Variants in NIPBL observed in about 807,000 individuals in gnomAD.
The protein encoded by NIPBL is nipped-B-like protein.
In NIPBL, 19 loss-of-function variants were observed where a neutral mutation model predicts 321.8. The observed-to-expected ratio is 0.06, with a 90% CI of 0.04 to 0.09. The LOEUF is 0.09. Ranked by LOEUF, NIPBL falls within the 10% of genes least tolerant of loss-of-function variation. The pLI is 1.00. For missense variants in NIPBL, 2,210 were observed against 3,327.0 expected (o/e 0.66, Z 8.26); for synonymous variants, 1,106 against 1,114.1 (o/e 0.99, Z 0.14).
In NIPBL at chr5:36,995,604, T is replaced by A. The variant is rs764886681; in HGVS notation, c.3122-18T>A. On this transcript the variant is annotated intron_variant, in intron 10 of 46. Transcript: ENST00000282516. ...TTCAGATTTACATTTTTTTTTTAAA[T>A]TTACCTTTCATTAATAGGTAGTATA... is the stretch of plus-strand genomic sequence containing the variant. The A allele has an allele frequency of 6.4e-7, 1 of 1,573,136 alleles. No homozygotes were observed.
At chr5:36,887,221 ACT>A (rs1423330474) in intron 1 of NIPBL, among the ~76,000 whole-genome samples, 1 of 152,112 alleles carries the variant, frequency 6.6e-6, no homozygotes, top group African/African-American at 2.4e-5. Context: ...AAATAGACCT[ACT>A]CTCTTTTTCA....
At chr5:36,929,880 T>C (rs1749651501) in intron 1 of NIPBL, among the ~76,000 whole-genome samples, 2 of 152,060 alleles carry the variant, frequency 1.3e-5, no homozygotes, top group South Asian at 4.1e-4. Flanking sequence ...TTGTGAAAAA[T>C]CTAACATAAA....
chr5:36,889,695 C>T (rs1232300981), intron 1 of NIPBL, among the ~76,000 whole-genome samples: 1 of 152,078 alleles, frequency 6.6e-6, no homozygotes, highest in Non-Finnish European at 1.5e-5. Flanking sequence ...TCTTATGATT[C>T]TGATATTTTA....
At chr5:36,934,821 G>A (rs1245713280) in intron 1 of NIPBL, among the ~76,000 whole-genome samples, 2 of 151,666 alleles carry the variant, frequency 1.3e-5, no homozygotes, top group African/African-American at 4.9e-5. Flanking sequence ...AGTAGCTAGA[G>A]TTAAGAAATT....
At chr5:37,030,855 A>G (rs1750920704) in intron 32 of NIPBL, among the ~76,000 whole-genome samples, 1 of 150,802 alleles carries the variant, frequency 6.6e-6, no homozygotes, top group South Asian at 2.1e-4. Flanking sequence ...CCCTGGCTCA[A>G]GCAGTCCTCT....
At chr5:36,944,693 T>G (rs1739466931) in intron 1 of NIPBL, among the ~76,000 whole-genome samples, 1 of 152,118 alleles carries the variant, frequency 6.6e-6, no homozygotes. Context: ...CTAATATTGT[T>G]GAATAATCAA....
intron 2 of NIPBL, among the ~76,000 whole-genome samples, chr5:36,954,643 A>T (rs566334075): frequency 4.6e-5 from 7 of 152,276 alleles, no homozygotes; most frequent in Middle Eastern, 6.8e-3. Flanking sequence ...CTATACCTAA[A>T]TATTTTGTCT....
chr5:36,892,619 T>C (rs1475407420), intron 1 of NIPBL, among the ~76,000 whole-genome samples: 2 of 152,136 alleles, frequency 1.3e-5, no homozygotes, highest in Admixed American at 1.3e-4. Flanking sequence ...TAAAAAAGGA[T>C]GAGTTCATGT....
Position 37,063,877 on chromosome 5 carries a change from A to G in NIPBL, c.7948A>G (p.Ile2650Val). Residue 2650 changes from isoleucine (I) to valine (V), a missense_variant, in exon 46 of 47, where the codon ATT becomes GTT. Ile to Val is a conservative substitution (Grantham distance 29, BLOSUM62 3). Around this residue, in one of 14 missense-constraint regions of NIPBL, gnomAD observed 159 missense variants for 319.2 expected, o/e 0.50. Coordinates refer to ENST00000282516, the MANE Select transcript of NIPBL (RefSeq NM_133433.4). ...TAGCACAAATGCTCGGAACAAAGCA[A>G]TTACCTCACTGCTTGGAGGAGGCAG... ...SASTNARNKA[I>V]TSLLGGGSPK... is the part of the protein sequence containing the mutation. 6.2e-7 allele frequency: 1 copy of G among 1,614,092 alleles called. No homozygotes were observed. The highest frequency in any genetic ancestry group is 8.5e-7 in the Non-Finnish European group (1 of 1,180,004).
intron 2 of NIPBL, chr5:36,955,138 C>G (rs1243879898): frequency 3.7e-6 from 1 of 269,072 alleles, no homozygotes; most frequent in East Asian, 9.3e-5. Context: ...TAAACAAGAA[C>G]AAATGAGATT....
At chr5:37,013,964 G>A (rs1036737090) in intron 21 of NIPBL, among the ~76,000 whole-genome samples, 4 of 152,358 alleles carry the variant, frequency 2.6e-5, no homozygotes, top group Admixed American at 2.6e-4. Context: ...CCAGCACCTC[G>A]GGAGGCCGAG....
intron 1 of NIPBL, among the ~76,000 whole-genome samples, chr5:36,901,029 T>A (rs529791166): frequency 6.6e-6 from 1 of 152,200 alleles, no homozygotes; most frequent in East Asian, 1.9e-4. Context: ...GGGGGTTTGT[T>A]GTATAGATTA....
rs1401401540 is a variant in NIPBL at position 37,065,612 on chromosome 5, A to G, written c.*720A>G. On this transcript the variant is annotated 3_prime_UTR_variant, in exon 47 of 47. Transcript: ENST00000282516. Reference sequence around the variant, plus strand: ...TTATTATATCACTGGTTTTCAAAGCAAAACATAAAATATTGTTTATACAGT... The same window carrying G: ...TTATTATATCACTGGTTTTCAAAGCGAAACATAAAATATTGTTTATACAGT... The G allele has an allele frequency of 5.2e-5, 8 of 152,684 alleles. No homozygotes were observed. The allele number at this position is 152,684 out of a possible 1,614,324, so 9.5% of individuals were successfully genotyped here. A position where few individuals can be genotyped will look rare whatever the true frequency, so the allele number is the denominator to read the frequency against.
At chr5:36,989,081 A>T (rs1054503862) in intron 10 of NIPBL, among the ~76,000 whole-genome samples, 1 of 152,150 alleles carries the variant, frequency 6.6e-6, no homozygotes, top group African/African-American at 2.4e-5. Flanking sequence ...TTTCAGGAAA[A>T]GCTTTTGTGT....
At position 37,012,226 on chromosome 5, in the gene NIPBL, C is replaced by T. The variant is rs535601845; in HGVS notation, c.4560+2001C>T. On this transcript the variant is annotated intron_variant, in intron 21 of 46. Coordinates refer to ENST00000282516, the MANE Select transcript of NIPBL (RefSeq NM_133433.4). The stretch of plus-strand genomic sequence containing the variant: ...TTGCAGCAGCGTGATCACAGCTCAC[C>T]ACAGCCTCAACCGCCTAGGCTCAAG... 4.6e-5 allele frequency among the ~76,000 whole-genome samples: 7 copies of T among 151,478 alleles called. No individual in the cohort carries two copies. The South Asian group carries it at 1.5e-3, about 32-fold the overall frequency.
chr5:37,007,189 A>T, intron 17 of NIPBL, 134 bp from the exon 18 acceptor site: 1 of 706,638 alleles, frequency 1.4e-6, no homozygotes, highest in Non-Finnish European at 2.4e-6. Context: ...TATTTTAATA[A>T]ATAAAAAGCT....
At position 36,876,823 on chromosome 5, in the gene NIPBL, TCCCCCCGCCCTCCCCCCCCTCCCTCCGTC is replaced by T; in HGVS notation, c.-434_-406del. On this transcript the variant is annotated 5_prime_UTR_variant, in exon 1 of 47. Coordinates refer to ENST00000282516, the MANE Select transcript of NIPBL (RefSeq NM_133433.4). ...AGAGAGAGACACACACAGGGCTCCT[TCCCCCCGCCCTCCCCCCCCTCCCTCCGTC>T]GGTACCGACTCACCCGACACCACCA... 1 of 352,492 alleles carries T rather than the reference TCCCCCCGCCCTCCCCCCCCTCCCTCCGTC, an allele frequency of 2.8e-6. No individual in the cohort carries two copies. Among genetic ancestry groups the T allele is most frequent in the Non-Finnish European group, 4.9e-6 (1 of 204,032 alleles). 21.8% of individuals were successfully genotyped at this position (352,492 alleles called of 1,614,324 possible).
intron 23 of NIPBL, 66 bp from the exon 24 acceptor site, chr5:37,016,952 AT>A: frequency 3.7e-6 from 4 of 1,069,956 alleles, no homozygotes; most frequent in Non-Finnish European, 5.3e-6. Context: ...GGGAATTTAT[AT>A]GATAAATTGC....
At chr5:36,886,296 G>T in intron 1 of NIPBL, 3 of 677,848 alleles carry the variant, frequency 4.4e-6, no homozygotes, top group South Asian at 4.4e-5. Flanking sequence ...AGGAGTACGA[G>T]ACCATGCTGA....
Sources: allele counts gnomAD v4.1 joint callset (sites outside exome capture counted in the v4.1 genomes callset), GRCh38; gene constraint gnomAD v4.1.1; regional missense constraint gnomAD v4.1.1; transcripts MANE v1.5; gene names NCBI Gene and HGNC (gene_info 2026-07-23, HGNC 2026-07-21).